The following RFX4 variants were observed in gnomAD, a reference collection of about 807,000 sequenced individuals.
The protein encoded by RFX4 is transcription factor RFX4.
In RFX4, 10 loss-of-function variants were observed where a neutral mutation model predicts 95.0. The observed-to-expected ratio is 0.11, with a 90% CI of 0.06 to 0.18. The LOEUF (loss-of-function observed/expected upper bound fraction) is 0.18, where lower values mean the gene tolerates loss of function less well. RFX4 is among the 10% of genes least tolerant of loss of function. The pLI is 1.00. For missense variants in RFX4, 640 were observed against 922.0 expected (o/e 0.69, Z 3.96); for synonymous variants, 321 against 340.7 (o/e 0.94, Z 0.64).
intron 15 of RFX4, among the ~76,000 whole-genome samples, chr12:106,741,635 C>T (rs1159972850): frequency 6.6e-6 from 1 of 152,162 alleles, no homozygotes; most frequent in Non-Finnish European, 1.5e-5. Context: ...AATCTTGACA[C>T]ACTTAAAGGA....
At position 106,762,155 on chromosome 12, in the gene RFX4, G is replaced by A. The variant is rs1421997506; in HGVS notation, c.*686G>A. ...TTCTGTATTGCCTTAAGTTGATTGA[G>A]GTTTGTAGGAGACTGGTTCTTCTAC... On this transcript the variant is annotated 3_prime_UTR_variant, in exon 18 of 18. Transcript: ENST00000392842. 3 of 152,604 alleles carry A rather than the reference G, an allele frequency of 2.0e-5. No homozygotes were observed. Among genetic ancestry groups the A allele is most frequent in the Non-Finnish European group, 4.4e-5 (3 of 68,032 alleles). The allele number at this position is 152,604 out of a possible 1,614,324, so 9.5% of individuals were successfully genotyped here.
At chr12:106,717,000 CAAAA>C (rs71311249) in intron 11 of RFX4, among the ~76,000 whole-genome samples, 2 of 60,500 alleles carry the variant, frequency 3.3e-5, no homozygotes, top group Non-Finnish European at 3.2e-5. Context: ...GCACAGGAGA[CAAAA>C]AAAAAAAAAA....
chr12:106,689,515 A>AT (rs1365325020), intron 7 of RFX4, 151 bp downstream of exon 7: 5 of 671,808 alleles, frequency 7.4e-6, no homozygotes, highest in South Asian at 5.2e-5. Context: ...ATGAGATCCC[A>AT]TGAAGCAGGT....
At chr12:106,697,192 C>A (rs1044216748) in intron 8 of RFX4, among the ~76,000 whole-genome samples, 12 of 152,150 alleles carry the variant, frequency 7.9e-5, no homozygotes, top group African/African-American at 2.4e-4. Flanking sequence ...GCAGCAGTCT[C>A]CCTCATAGTT....
At chr12:106,653,344 G>T (rs927322683) in intron 3 of RFX4, among the ~76,000 whole-genome samples, 1 of 152,220 alleles carries the variant, frequency 6.6e-6, no homozygotes, top group Non-Finnish European at 1.5e-5. Context: ...AACGAATCAT[G>T]AGGAGGTCTG....
chr12:106,654,660 GGGA>G (rs2040920535), intron 4 of RFX4, among the ~76,000 whole-genome samples: 3 of 152,312 alleles, frequency 2.0e-5, no homozygotes, highest in Admixed American at 6.5e-5. Flanking sequence ...CAATCAGCCT[GGGA>G]CAGGCAACCT....
At chr12:106,617,223 T>C (rs2040090095) in intron 2 of RFX4, among the ~76,000 whole-genome samples, 1 of 152,178 alleles carries the variant, frequency 6.6e-6, no homozygotes, top group Admixed American at 6.5e-5. Flanking sequence ...TTTTTCTCAA[T>C]TTATATCTTT....
At chr12:106,650,711 G>C (rs1447728047) in intron 3 of RFX4, among the ~76,000 whole-genome samples, 1 of 151,944 alleles carries the variant, frequency 6.6e-6, no homozygotes, top group Non-Finnish European at 1.5e-5. Context: ...CTGGGTGACA[G>C]AGCGAAACTC....
intron 2 of RFX4, among the ~76,000 whole-genome samples, chr12:106,627,084 C>T (rs1463755161): frequency 6.6e-6 from 1 of 152,216 alleles, no homozygotes; most frequent in East Asian, 1.9e-4. Flanking sequence ...GTTCCTCACT[C>T]TGAGTGTACA....
intron 4 of RFX4, among the ~76,000 whole-genome samples, chr12:106,672,595 G>A (rs933045778): frequency 2.0e-5 from 3 of 152,298 alleles, no homozygotes; most frequent in Admixed American, 6.5e-5. Flanking sequence ...ACTGTTTGCT[G>A]AGTCTTGCTC....
intron 17 of RFX4, among the ~76,000 whole-genome samples, chr12:106,757,867 G>A (rs575817303): frequency 5.9e-5 from 9 of 152,342 alleles, no homozygotes; most frequent in African/African-American, 1.9e-4. Flanking sequence ...GTTCCAAAGA[G>A]AGCAAGAGTC....
chr12:106,747,559 A>G lies in RFX4; in HGVS notation c.1756A>G (p.Thr586Ala). ...RNTHVPSSSVTHRIPVYPHRE... is the reference protein window; with the variant it reads ...RNTHVPSSSVAHRIPVYPHRE... Reference sequence around the variant, plus strand: ...CACTCATGTGCCTTCTTCCTCCGTCACACACAGGATACCAGTTTATCCCCA... The same window carrying G: ...CACTCATGTGCCTTCTTCCTCCGTCGCACACAGGATACCAGTTTATCCCCA... Residue 586 changes from threonine to alanine, a missense_variant, in exon 16 of 18, where the codon ACA becomes GCA. Thr to Ala is a moderately conservative substitution (Grantham distance 58). Coordinates refer to ENST00000392842, the MANE Select transcript of RFX4 (RefSeq NM_213594.3). 6.2e-7 allele frequency: 1 copy of G among 1,614,080 alleles called. No homozygotes were observed.
At chr12:106,730,946 G>A (rs537022325) in intron 13 of RFX4, among the ~76,000 whole-genome samples, 3 of 152,260 alleles carry the variant, frequency 2.0e-5, no homozygotes, top group East Asian at 3.9e-4. Flanking sequence ...GCTGCAGTGA[G>A]TCAAGACAGC....
intron 2 of RFX4, among the ~76,000 whole-genome samples, chr12:106,629,080 A>C (rs2040363618): frequency 6.6e-6 from 1 of 152,146 alleles, no homozygotes; most frequent in Non-Finnish European, 1.5e-5. Context: ...TTTTAACACA[A>C]AAAAGTGGCA....
chr12:106,682,186 A>G (rs1304272102), intron 5 of RFX4, 132 bp downstream of exon 5: 7 of 904,364 alleles, frequency 7.7e-6, no homozygotes, highest in Middle Eastern at 2.5e-4. Flanking sequence ...GGAATATGGA[A>G]GAGCTTTATG....
At chr12:106,685,689 T>C (rs1423715753) in intron 5 of RFX4, among the ~76,000 whole-genome samples, 2 of 152,168 alleles carry the variant, frequency 1.3e-5, no homozygotes, top group Admixed American at 6.5e-5. Context: ...TCTTGCAGTG[T>C]TTTCAGTAGG....
rs1241879952 is a variant in RFX4, at chr12:106,720,380, GTATT to G, written c.1233+340_1233+343del. 1.3e-5 allele frequency among the ~76,000 whole-genome samples: 2 copies of G among 151,658 alleles called. No homozygotes were observed. The highest frequency in any genetic ancestry group is 3.0e-5 in the Non-Finnish European group (2 of 67,794). On this transcript the variant is annotated intron_variant, in intron 12 of 17. Coordinates refer to ENST00000392842, the MANE Select transcript of RFX4 (RefSeq NM_213594.3). This position sits in a 1 kb window ranked among gnomAD's most constrained non-coding sequence, Gnocchi z 4.2. ...CCATAAGCCTTCCTGTCATTTTTCT[GTATT>G]TATTTATTTATTTTTGAGACAGGGT... is the stretch of plus-strand genomic sequence containing the variant.
intron 7 of RFX4, among the ~76,000 whole-genome samples, chr12:106,691,168 T>C (rs2041772795): frequency 6.6e-6 from 1 of 152,210 alleles, no homozygotes; most frequent in Non-Finnish European, 1.5e-5. Flanking sequence ...CAAGCCTCAA[T>C]TCCTCATCCT....
chr12:106,698,970 CT>C (rs1173758843), intron 8 of RFX4, among the ~76,000 whole-genome samples: 4 of 151,876 alleles, frequency 2.6e-5, no homozygotes, highest in Non-Finnish European at 5.9e-5. Context: ...TTTTGCTCTT[CT>C]TTTTTTAGTT....
Sources: gnomAD v4.1 joint callset for allele counts (sites outside exome capture counted in the v4.1 genomes callset) on GRCh38, gnomAD v4.1.1 for gene constraint, Gnocchi (gnomAD v3.1) non-coding constraint, MANE v1.5 for transcripts, NCBI Gene and HGNC (gene_info 2026-07-23, HGNC 2026-07-21) for gene names.